VCF1: variants seen among roughly 807,000 people sequenced by gnomAD.
VCF1 encodes the protein VCP nuclear cofactor family member 1, also known as protein VCF1.
the VCF1 span, chr17:73,209,437 T>C: frequency 1.4e-6 from 2 of 1,449,384 alleles, no homozygotes; most frequent in Non-Finnish European, 1.9e-6. Flanking sequence ...GCATTTTTCG[T>C]GTGCAATTTT....
chr17:73,224,313 C>T, the VCF1 span, among the ~76,000 whole-genome samples: 36,297 of 146,834 alleles, frequency 0.25, 5,183 homozygotes, highest in Non-Finnish European at 0.31. Flanking sequence ...AGCATGGTAG[C>T]ATGTGCCTGT....
At chr17:73,220,894 A>ATTT in the VCF1 span, among the ~76,000 whole-genome samples, 294 of 96,662 alleles carry the variant, frequency 3.0e-3, no homozygotes, top group Non-Finnish European at 3.5e-3. Context: ...TTTAATTTAG[A>ATTT]TTTTTTTTTT....
chr17:73,218,947 G>A, the VCF1 span, among the ~76,000 whole-genome samples: 1 of 152,092 alleles, frequency 6.6e-6, no homozygotes, highest in South Asian at 2.1e-4. Context: ...ATGAACCTGG[G>A]AGGCGGAGCT....
the VCF1 span, among the ~76,000 whole-genome samples, chr17:73,216,129 G>A: frequency 1.3e-5 from 2 of 152,066 alleles, no homozygotes; most frequent in Non-Finnish European, 2.9e-5. Context: ...GGAGATGAAT[G>A]AGGTTAAGGA....
At chr17:73,209,643 A>C in the VCF1 span, 1 of 1,556,856 alleles carries the variant, frequency 6.4e-7, no homozygotes, top group Non-Finnish European at 8.7e-7. Flanking sequence ...GCACGGGCTG[A>C]GGCGTGTTAG....
the VCF1 span, among the ~76,000 whole-genome samples, chr17:73,222,776 CAAAAAAAA>C: frequency 8.5e-6 from 1 of 117,922 alleles, no homozygotes; most frequent in Admixed American, 8.8e-5. Context: ...AACTCTGTCT[CAAAAAAAA>C]AAAAAAAGAA....
At chr17:73,207,968 G>GGTTT in the VCF1 span, 1 of 1,240,160 alleles carries the variant, frequency 8.1e-7, no homozygotes, top group Admixed American at 3.6e-5. Context: ...AAACCATCCA[G>GGTTT]TCCCTAAGCA....
At chr17:73,224,930 GACAGCACAGC>G in the VCF1 span, among the ~76,000 whole-genome samples, 2 of 85,860 alleles carry the variant, frequency 2.3e-5, no homozygotes, top group East Asian at 4.0e-4. Context: ...GACAGGACAG[GACAGCACAGC>G]ACAGCACAGC....
chr17:73,211,285 T>A, the VCF1 span, among the ~76,000 whole-genome samples: 1 of 152,024 alleles, frequency 6.6e-6, no homozygotes, highest in East Asian at 1.9e-4. Context: ...AACCCCAGCC[T>A]GGCCAACATG....
chr17:73,231,216 A>G, the VCF1 span, among the ~76,000 whole-genome samples: 2 of 152,368 alleles, frequency 1.3e-5, no homozygotes, highest in African/African-American at 4.8e-5. Context: ...CTTCAATCAC[A>G]TGAAATAATT....
chr17:73,215,317 C>A, the VCF1 span, among the ~76,000 whole-genome samples: 1 of 152,200 alleles, frequency 6.6e-6, no homozygotes, highest in African/African-American at 2.4e-5. Context: ...CAAGGTCTTG[C>A]TCTGTCACTC....
the VCF1 span, chr17:73,209,440 G>A: frequency 2.1e-6 from 3 of 1,459,670 alleles, no homozygotes; most frequent in Non-Finnish European, 2.8e-6. Flanking sequence ...TTTTTCGTGT[G>A]CAATTTTTCT....
the VCF1 span, chr17:73,232,297 G>C: frequency 6.3e-7 from 1 of 1,584,768 alleles, no homozygotes; most frequent in Non-Finnish European, 8.6e-7. Flanking sequence ...TCTGCTCCGC[G>C]CCCCCCCATG....
chr17:73,221,135 G>C, the VCF1 span, among the ~76,000 whole-genome samples: 736 of 151,276 alleles, frequency 4.9e-3, 14 homozygotes, highest in East Asian at 0.025. Context: ...CTGACCTCGT[G>C]ATCTGCCCGC....
At chr17:73,217,841 G>T in the VCF1 span, among the ~76,000 whole-genome samples, 2 of 151,734 alleles carry the variant, frequency 1.3e-5, no homozygotes, top group Non-Finnish European at 2.9e-5. Context: ...GCGTGGAGGC[G>T]TGCGCCTGGA....
the VCF1 span, among the ~76,000 whole-genome samples, chr17:73,228,118 A>G: frequency 7.9e-5 from 12 of 152,248 alleles, no homozygotes; most frequent in Non-Finnish European, 1.8e-4. Flanking sequence ...TCTAGTGCTC[A>G]GTGGCCACGT....
At chr17:73,232,267 T>C in the VCF1 span, 4 of 1,607,102 alleles carry the variant, frequency 2.5e-6, no homozygotes, top group African/African-American at 2.7e-5. Flanking sequence ...GTCGGACCCG[T>C]ACCACCACTA....
the VCF1 span, chr17:73,229,535 T>A: frequency 1.0e-6 from 1 of 985,406 alleles, no homozygotes; most frequent in South Asian, 4.7e-5. Flanking sequence ...CTCTCCAACC[T>A]TCCTGTCATC....
the VCF1 span, among the ~76,000 whole-genome samples, chr17:73,231,849 GA>G: frequency 2.0e-5 from 3 of 152,134 alleles, no homozygotes; most frequent in South Asian, 4.1e-4. Context: ...AGACAGGGGG[GA>G]AAAAAGATGG....
Sources: allele counts gnomAD v4.1 joint callset (sites outside exome capture counted in the v4.1 genomes callset), GRCh38; gene constraint gnomAD v4.1.1; transcripts MANE v1.5; gene names NCBI Gene and HGNC (gene_info 2026-07-23, HGNC 2026-07-21).